SLC38A1: variants seen among roughly 807,000 people sequenced by gnomAD.
SLC38A1 encodes the protein solute carrier family 38 member 1, also known as sodium-coupled neutral amino acid symporter 1.
SLC38A1 carries 18 observed loss-of-function variants against 60.3 expected under a neutral mutation model. The ratio of observed to expected loss-of-function variants is 0.30; its 90% CI spans 0.21 to 0.44. The LOEUF (loss-of-function observed/expected upper bound fraction) is 0.44, where lower values mean the gene tolerates loss of function less well. Among genes scored for constraint, SLC38A1 ranks in the 20% least tolerant of loss-of-function variants. SLC38A1 has a pLI of 1.00. For synonymous variants in SLC38A1, 196 were observed against 212.1 expected, an observed-to-expected ratio of 0.92 and a Z score of 0.66; for missense variants, 448 against 587.2, an observed-to-expected ratio of 0.76 and a Z score of 2.45.
rs960294472 is a variant in SLC38A1 at position 46,184,407 on chromosome 12, A to G, written c.*4563T>C. The G allele has an allele frequency of 5.3e-5, 8 of 152,208 alleles. No homozygotes were observed. The highest frequency in any genetic ancestry group is 1.9e-4 in the African/African-American group (8 of 41,446). The allele number at this position is 152,208 out of a possible 1,614,324, so 9.4% of individuals were successfully genotyped here. ...TTGAAGGTGGCTAGATGTTTGCTGT[A>G]AACTTGAATGGGAGAATTATATTCT... On this transcript the variant is annotated 3_prime_UTR_variant, in exon 17 of 17. Transcript: ENST00000398637.
rs753049164 is a variant in SLC38A1, at chr12:46,207,142, G to T, written c.563+13C>A. The T allele has an allele frequency of 7.7e-6, 12 of 1,565,362 alleles. No individual in the cohort carries two copies. In the East Asian group the frequency reaches 2.7e-4, roughly 35 times the overall value. ...ATTTTAGTTATATCATAAAAAAATG[G>T]TCTATAACTTACGAAAATGTCTCTT... On this transcript the variant is annotated intron_variant, in intron 8 of 16. Coordinates refer to ENST00000398637, the MANE Select transcript of SLC38A1 (RefSeq NM_030674.4).
rs1263681654 is a variant in SLC38A1, at chr12:46,183,692, G to A, written c.*5278C>T. The A allele has an allele frequency of 1.3e-5, 2 of 152,168 alleles. No homozygotes were observed. The highest frequency in any genetic ancestry group is 4.8e-5 in the African/African-American group (2 of 41,440). The allele number at this position is 152,168 out of a possible 1,614,324, so 9.4% of individuals were successfully genotyped here. On this transcript the variant is annotated 3_prime_UTR_variant, in exon 17 of 17. Transcript: ENST00000398637. ...GGTATATCTGTTTCTATAGGACAAGGATTTGTGTCTAAATATTCCTTACTT... is the reference window on the plus strand; with the variant it reads ...GGTATATCTGTTTCTATAGGACAAGAATTTGTGTCTAAATATTCCTTACTT...
intron 3 of SLC38A1, 57 bp downstream of exon 3, chr12:46,239,622 T>G: frequency 1.9e-6 from 3 of 1,599,842 alleles, no homozygotes; most frequent in South Asian, 2.2e-5. Context: ...GGATTACAGG[T>G]GTGAGCCACG....
At chr12:46,223,235 C>T (rs749913601) in intron 5 of SLC38A1, among the ~76,000 whole-genome samples, 1 of 152,050 alleles carries the variant, frequency 6.6e-6, no homozygotes, top group Non-Finnish European at 1.5e-5. Context: ...GTTATTAAGC[C>T]TCAGTTACTT....
At chr12:46,233,374 A>G (rs1941147052) in intron 3 of SLC38A1, among the ~76,000 whole-genome samples, 2 of 152,216 alleles carry the variant, frequency 1.3e-5, no homozygotes, top group Non-Finnish European at 2.9e-5. Context: ...TCTATCCAGC[A>G]GTTTTCCTTT....
intron 16 of SLC38A1, among the ~76,000 whole-genome samples, chr12:46,189,635 C>T (rs1229526690): frequency 6.6e-6 from 1 of 152,168 alleles, no homozygotes; most frequent in Non-Finnish European, 1.5e-5. Context: ...TGTGTCCCTA[C>T]CCAAATCTCA....
At chr12:46,222,414 ACCCTCCTTC>A (rs1940695223) in intron 5 of SLC38A1, among the ~76,000 whole-genome samples, 3 of 152,026 alleles carry the variant, frequency 2.0e-5, no homozygotes, top group Non-Finnish European at 4.4e-5. Flanking sequence ...ATATAGACAC[ACCCTCCTTC>A]CATGCTCACT....
chr12:46,260,031 A>T (rs1293355335), intron 1 of SLC38A1, among the ~76,000 whole-genome samples: 2 of 152,180 alleles, frequency 1.3e-5, no homozygotes, highest in African/African-American at 4.8e-5. Context: ...CATCTGTAAA[A>T]TGGACTTAAA....
intron 5 of SLC38A1, among the ~76,000 whole-genome samples, chr12:46,225,267 T>A (rs1393500446): frequency 6.6e-6 from 1 of 152,060 alleles, no homozygotes; most frequent in Non-Finnish European, 1.5e-5. Flanking sequence ...ATAGTGAGGA[T>A]CTGTTGAACT....
At chr12:46,197,478 GCCTGGGCGACAGAGT>G in intron 16 of SLC38A1, 1 of 364,738 alleles carries the variant, frequency 2.7e-6, no homozygotes, top group Non-Finnish European at 4.9e-6. Context: ...CTGCACTCCA[GCCTGGGCGACAGAGT>G]GAGACTCCAT....
At chr12:46,229,732 TG>T (rs1940998883) in intron 3 of SLC38A1, 93 bp from the exon 4 acceptor site, 1 of 1,097,526 alleles carries the variant, frequency 9.1e-7, no homozygotes, top group Non-Finnish European at 1.4e-6. Flanking sequence ...AAAACATACA[TG>T]AACAGTTACC....
At chr12:46,229,097 G>A (rs1236128873) in intron 5 of SLC38A1, 56 bp downstream of exon 5, 1 of 984,418 alleles carries the variant, frequency 1.0e-6, no homozygotes, top group African/African-American at 1.6e-5. Flanking sequence ...TGTAATAACA[G>A]AAACATACAA....
At chr12:46,218,079 T>A (rs888332624) in intron 5 of SLC38A1, among the ~76,000 whole-genome samples, 2 of 152,220 alleles carry the variant, frequency 1.3e-5, no homozygotes, top group Non-Finnish European at 2.9e-5. Flanking sequence ...GTTGGTTCTT[T>A]GTAAAAAAGT....
Position 46,238,810 on chromosome 12 carries a change from C to T in SLC38A1, c.122+869G>A, listed in dbSNP as rs563219055. ...CTGACCCTCTACTTCTTCCCCATTG[C>T]TTCTCTCCTCAGTTGTGGTCGCTTT... On this transcript the variant is annotated intron_variant, in intron 3 of 16. Coordinates refer to ENST00000398637, the MANE Select transcript of SLC38A1 (RefSeq NM_030674.4). Among the ~76,000 whole-genome samples, 4 of 152,348 alleles carry T rather than the reference C, an allele frequency of 2.6e-5. No homozygotes were observed. The South Asian group carries it at 8.3e-4, about 32-fold the overall frequency.
Position 46,186,852 on chromosome 12 carries a change from G to C in SLC38A1, c.*2118C>G, listed in dbSNP as rs1938955464. 6.6e-6 allele frequency: 1 copy of C among 152,184 alleles called. No homozygotes were observed. Among genetic ancestry groups the C allele is most frequent in the Admixed American group, 6.5e-5 (1 of 15,282 alleles). The allele number at this position is 152,184 out of a possible 1,614,324, so 9.4% of individuals were successfully genotyped here. A position where few individuals can be genotyped will look rare whatever the true frequency, so the allele number is the denominator to read the frequency against. On this transcript the variant is annotated 3_prime_UTR_variant, in exon 17 of 17. Coordinates refer to ENST00000398637, the MANE Select transcript of SLC38A1 (RefSeq NM_030674.4). ...AAAGTAACAAGGAAAATAGAAAGTA[G>C]CATAATATAGCTTGCAAACTAAATT... is the stretch of plus-strand genomic sequence containing the variant.
Position 46,198,724 on chromosome 12 carries a change from G to A in SLC38A1, c.1023C>T (p.Leu341=), listed in dbSNP as rs1211878970. The A allele has an allele frequency of 6.2e-7, 1 of 1,611,394 alleles. No homozygotes were observed. The highest frequency in any genetic ancestry group is 1.7e-5 in the Admixed American group (1 of 59,434). Residue 341 remains leucine (L), a synonymous_variant, in exon 14 of 17, where the codon CTC becomes CTT. Coordinates refer to ENST00000398637, the MANE Select transcript of SLC38A1 (RefSeq NM_030674.4). ...LTFYDNVQSD[L]LHKYQSKDDI... ...CATCTTTACTCTGATATTTGTGAAG[G>A]AGGTCGGACTGCACGTTGTCTAAAA...
At chr12:46,198,518 A>T (rs1565751968) in intron 14 of SLC38A1, 107 bp downstream of exon 14, 12 of 698,924 alleles carry the variant, frequency 1.7e-5, no homozygotes, top group Non-Finnish European at 2.9e-5. Context: ...AGATTCAATA[A>T]CCCAGGAAAG....
At chr12:46,205,493 T>C (rs369537057) in intron 9 of SLC38A1, among the ~76,000 whole-genome samples, 3 of 152,202 alleles carry the variant, frequency 2.0e-5, no homozygotes, top group East Asian at 3.9e-4. Context: ...CATTATTCAA[T>C]GTATGAAATT....
At chr12:46,195,727 C>G (rs1486180217) in intron 16 of SLC38A1, 2 of 192,804 alleles carry the variant, frequency 1.0e-5, no homozygotes, top group African/African-American at 4.6e-5. Flanking sequence ...TAGCAGTGAG[C>G]AAGGCTCCGT....
Sources: allele counts gnomAD v4.1 joint callset (sites outside exome capture counted in the v4.1 genomes callset), GRCh38; gene constraint gnomAD v4.1.1; transcripts MANE v1.5; gene names NCBI Gene and HGNC (gene_info 2026-07-23, HGNC 2026-07-21).